The following FAM149A variants were observed in gnomAD, a reference collection of about 807,000 sequenced individuals.
FAM149A encodes the protein family with sequence similarity 149 member A, also known as protein FAM149A.
In FAM149A, 71 loss-of-function variants were observed where a neutral mutation model predicts 78.2. The ratio of observed to expected loss-of-function variants is 0.91; its 90% CI spans 0.75 to 1.11. FAM149A has a LOEUF of 1.11. FAM149A is among the 50% of genes least tolerant of loss of function. The pLI is 0.00. For synonymous variants in FAM149A, 446 were observed against 410.5 expected (o/e 1.09, Z -1.04); for missense variants, 1,036 against 971.0 (o/e 1.07, Z -0.89).
chr4:186,118,379 G>A, intron 1 of FAM149A: 1 of 275,586 alleles, frequency 3.6e-6, no homozygotes. Context: ...TGCAGAAAGG[G>A]AGAATAAGCA....
rs1250752968 is a variant in FAM149A at position 186,110,243 on chromosome 4, T to A, written c.566+4601T>A. On this transcript the variant is annotated intron_variant, in intron 1 of 13. Transcript: ENST00000389354. ...TACAACAACCCAGGGGCAGTTTAAA[T>A]GTCTTTCTTGAAGAATAATTATTGT... 2 of 985,452 alleles carry A rather than the reference T, an allele frequency of 2.0e-6. 1 individual carries two copies. The highest frequency in any genetic ancestry group is 9.4e-5 in the South Asian group (2 of 21,292). The allele number at this position is 985,452 out of a possible 1,614,324, so 61.0% of individuals were successfully genotyped here.
chr4:186,109,221 T>C, intron 1 of FAM149A: 1 of 981,470 alleles, frequency 1.0e-6, no homozygotes, highest in Non-Finnish European at 1.2e-6. Flanking sequence ...AGATAATTGC[T>C]GTGTATGAAT....
chr4:186,111,960 G>C (rs1444655507), intron 1 of FAM149A, among the ~76,000 whole-genome samples: 1 of 151,394 alleles, frequency 6.6e-6, no homozygotes, highest in Non-Finnish European at 1.5e-5. Flanking sequence ...TATGGGGATG[G>C]CATTGAATCT....
chr4:186,149,469 TGAAA>T lies in FAM149A; in HGVS notation c.678-117_678-114del, dbSNP rs1296496805. 11 of 1,181,180 alleles carry T rather than the reference TGAAA, an allele frequency of 9.3e-6. No individual in the cohort carries two copies. In the African/African-American group the frequency reaches 9.6e-5, roughly 10 times the overall value. The allele number at this position is 1,181,180 out of a possible 1,614,324, so 73.2% of individuals were successfully genotyped here. A position where few individuals can be genotyped will look rare whatever the true frequency, so the allele number is the denominator to read the frequency against. ...CTGTGAAATTAATAAATATATTTAA[TGAAA>T]GAAAGAGGAAGCAGGCTCAGAAAAG... is the stretch of plus-strand genomic sequence containing the variant. On this transcript the variant is annotated intron_variant, in intron 2 of 13. Transcript: ENST00000389354.
At chr4:186,155,736 A>G (rs1733990321) in intron 6 of FAM149A, among the ~76,000 whole-genome samples, 1 of 152,172 alleles carries the variant, frequency 6.6e-6, no homozygotes, top group East Asian at 1.9e-4. Flanking sequence ...AACTTAGTAG[A>G]AGGAAGGAAA....
chr4:186,145,116 A>C (rs1036876451), intron 1 of FAM149A: 140 of 985,324 alleles, frequency 1.4e-4, no homozygotes, highest in Non-Finnish European at 1.6e-4. Flanking sequence ...TAATCGGGTG[A>C]GTCTCATCCG....
intron 13 of FAM149A, chr4:186,169,967 A>G: frequency 1.0e-6 from 1 of 982,374 alleles, no homozygotes; most frequent in East Asian, 1.1e-4. Flanking sequence ...TTGGTTCAAA[A>G]TATTTCCCCT....
chr4:186,119,293 A>G (rs1279928360), intron 1 of FAM149A, among the ~76,000 whole-genome samples: 2 of 152,224 alleles, frequency 1.3e-5, no homozygotes, highest in African/African-American at 2.4e-5. Context: ...CAAATGGATA[A>G]ATACTATTTA....
chr4:186,168,689 G>A (rs1177174531), intron 13 of FAM149A, among the ~76,000 whole-genome samples: 1 of 152,176 alleles, frequency 6.6e-6, no homozygotes, highest in Non-Finnish European at 1.5e-5. Context: ...GTAGGTGCTT[G>A]GGGGGAAGTA....
Position 186,167,238 on chromosome 4 carries a change from T to C in FAM149A, c.2194T>C (p.Trp732Arg), listed in dbSNP as rs1021349221. 6.2e-7 allele frequency: 1 copy of C among 1,613,320 alleles called. No homozygotes were observed. Among genetic ancestry groups the C allele is most frequent in the Non-Finnish European group, 8.5e-7 (1 of 1,179,212 alleles). ...ACAAATGGAATTTGCTGCTCACACA[T>C]GGACAGGTCAAAGTATTTTGACAGG... Residue 732 changes from tryptophan (W) to arginine (R), a missense_variant, in exon 13 of 14, where the codon TGG becomes CGG. Transcript: ENST00000389354.
intron 1 of FAM149A, among the ~76,000 whole-genome samples, chr4:186,108,109 A>G (rs896831897): frequency 6.6e-6 from 1 of 152,198 alleles, no homozygotes; most frequent in African/African-American, 2.4e-5. Context: ...TGCTCCTACC[A>G]TCTCATCTGT....
At position 186,157,631 on chromosome 4, in the gene FAM149A, A is replaced by G. The variant is rs2276924; in HGVS notation, c.1487A>G (p.His496Arg). The change falls in exon 8 of 14, where the codon CAC becomes CGC. Residue 496 changes from histidine (H) to arginine (R), a missense_variant. Physicochemically the swap from His to Arg is conservative, Grantham distance 29. Transcript: ENST00000389354. ...AGATTTCCGCACGTCCTCGTTCCAC[A>G]CGCTCACGCCGATGGAGCCAGTGGC... The G allele has an allele frequency of 0.88, 1,423,368 of 1,613,918 alleles. 628,460 individuals are homozygous for G. Among genetic ancestry groups the G allele is most frequent in the African/African-American group, 0.94 (70,577 of 75,054 alleles).
intron 1 of FAM149A, chr4:186,126,768 C>G (rs550091937): frequency 5.4e-6 from 3 of 559,116 alleles, no homozygotes; most frequent in African/African-American, 2.1e-5. Context: ...GCAGATGATG[C>G]GACTTCTTAG....
intron 1 of FAM149A, among the ~76,000 whole-genome samples, chr4:186,122,088 A>G (rs961947109): frequency 6.6e-6 from 1 of 152,128 alleles, no homozygotes; most frequent in Non-Finnish European, 1.5e-5. Context: ...ATGTCTTTAT[A>G]TTAAGTGAGA....
intron 1 of FAM149A, among the ~76,000 whole-genome samples, chr4:186,141,620 A>G (rs1294889782): frequency 6.6e-6 from 1 of 152,212 alleles, no homozygotes; most frequent in Non-Finnish European, 1.5e-5. Context: ...CAGAAGTCAT[A>G]AGAAATATAG....
chr4:186,157,881 C>T (rs536598848), intron 8 of FAM149A, 162 bp downstream of exon 8: 1 of 1,539,164 alleles, frequency 6.5e-7, no homozygotes, highest in East Asian at 2.4e-5. Context: ...AAAGGGAAAC[C>T]TTCACAGTGT....
At chr4:186,154,343 T>G (rs1387737518) in intron 5 of FAM149A, 125 bp from the exon 6 acceptor site, 13 of 738,972 alleles carry the variant, frequency 1.8e-5, no homozygotes, top group Middle Eastern at 7.8e-4. Flanking sequence ...AATGTAATAT[T>G]CAACCGTTTT....
In FAM149A at chr4:186,150,962, C is replaced by T. The variant is rs948269525; in HGVS notation, c.790-941C>T. ...GTTTCGAACTCCTGACGTTGTGATC[C>T]GCCTGCCTGGGCCTCCCATGGCATG... is the stretch of plus-strand genomic sequence containing the variant. On this transcript the variant is annotated intron_variant, in intron 3 of 13. Coordinates refer to ENST00000389354, the MANE Select transcript of FAM149A (RefSeq NM_001367768.3). 6.4e-5 allele frequency: 56 copies of T among 872,508 alleles called. No homozygotes were observed. The African/African-American group carries it at 7.4e-4, about 12-fold the overall frequency. The allele number at this position is 872,508 out of a possible 1,614,324, so 54.0% of individuals were successfully genotyped here.
chr4:186,150,984 C>T, intron 3 of FAM149A: 7 of 977,326 alleles, frequency 7.2e-6, no homozygotes, highest in Non-Finnish European at 8.5e-6. Context: ...CCTCCCATGG[C>T]ATGAGCCACT....
Sources: gnomAD v4.1 joint callset for allele counts (sites outside exome capture counted in the v4.1 genomes callset) on GRCh38, gnomAD v4.1.1 for gene constraint, MANE v1.5 for transcripts, NCBI Gene and HGNC (gene_info 2026-07-23, HGNC 2026-07-21) for gene names.